The following CPED1 variants were observed in gnomAD, a reference collection of about 807,000 sequenced individuals.
The protein encoded by CPED1 is cadherin like and PC-esterase domain containing 1.
CPED1 carries 114 observed loss-of-function variants against 128.2 expected under a neutral mutation model. The observed-to-expected ratio is 0.89, with a 90% CI of 0.76 to 1.04. The LOEUF (loss-of-function observed/expected upper bound fraction) is 1.04. Among genes scored for constraint, CPED1 ranks in the 50% least tolerant of loss-of-function variants. CPED1 has a pLI of 0.00. For synonymous variants in CPED1, 462 were observed against 426.7 expected (o/e 1.08, Z -1.02); for missense variants, 1,211 against 1,207.1 (o/e 1.00, Z -0.05).
chr7:121,225,454 T>A (rs1022892680), intron 16 of CPED1, among the ~76,000 whole-genome samples: 1 of 152,098 alleles, frequency 6.6e-6, no homozygotes, highest in Non-Finnish European at 1.5e-5. Flanking sequence ...CAATTATGTG[T>A]CTTGGGGTTT....
chr7:121,075,084 C>A (rs1453867060), intron 5 of CPED1, among the ~76,000 whole-genome samples: 1 of 152,156 alleles, frequency 6.6e-6, no homozygotes, highest in Non-Finnish European at 1.5e-5. Context: ...TTCTTGGGAG[C>A]ATTTTCAGCA....
intron 2 of CPED1, among the ~76,000 whole-genome samples, chr7:121,013,532 T>C (rs1253110685): frequency 1.3e-5 from 2 of 152,196 alleles, no homozygotes; most frequent in East Asian, 3.8e-4. Context: ...TGATATATTA[T>C]TATTAACATA....
intron 16 of CPED1, among the ~76,000 whole-genome samples, chr7:121,217,636 C>A (rs1405566815): frequency 5.9e-5 from 9 of 151,978 alleles, no homozygotes; most frequent in African/African-American, 2.2e-4. Context: ...CTTTGGAAAG[C>A]TTGTGACAGA....
chr7:121,237,055 C>T (rs1434204852), intron 17 of CPED1, among the ~76,000 whole-genome samples: 1 of 152,116 alleles, frequency 6.6e-6, no homozygotes, highest in Non-Finnish European at 1.5e-5. Context: ...AATCCATATT[C>T]ATCTGCAGAT....
intron 16 of CPED1, among the ~76,000 whole-genome samples, chr7:121,162,486 G>C (rs1796432960): frequency 1.3e-5 from 2 of 152,176 alleles, no homozygotes; most frequent in South Asian, 4.1e-4. Context: ...TACCATAAAT[G>C]ATAAACTTAA....
chr7:121,145,672 T>C (rs1266849811), intron 16 of CPED1, among the ~76,000 whole-genome samples: 1 of 152,068 alleles, frequency 6.6e-6, no homozygotes, highest in Non-Finnish European at 1.5e-5. Context: ...CCCATAGACT[T>C]TTCTATTATT....
At chr7:121,196,358 T>A (rs2116547166) in intron 16 of CPED1, among the ~76,000 whole-genome samples, 1 of 152,168 alleles carries the variant, frequency 6.6e-6, no homozygotes, top group South Asian at 2.1e-4. Flanking sequence ...GCCTCCATTG[T>A]ACCTTCTGAC....
At chr7:121,261,025 CT>C (rs1792005079) in intron 18 of CPED1, among the ~76,000 whole-genome samples, 1 of 152,056 alleles carries the variant, frequency 6.6e-6, no homozygotes, top group Non-Finnish European at 1.5e-5. Flanking sequence ...TTGATTCAAC[CT>C]AGATAGCCAC....
At chr7:121,018,392 T>G (rs1210854932) in intron 3 of CPED1, among the ~76,000 whole-genome samples, 1 of 152,162 alleles carries the variant, frequency 6.6e-6, no homozygotes, top group African/African-American at 2.4e-5. Context: ...AATATGAAAC[T>G]ATAGTGGGAA....
intron 16 of CPED1, among the ~76,000 whole-genome samples, chr7:121,178,544 AGTT>A (rs1796834226): frequency 6.6e-6 from 1 of 152,054 alleles, no homozygotes; most frequent in Non-Finnish European, 1.5e-5. Flanking sequence ...TGGACAAAAA[AGTT>A]GTGCAGACAG....
intron 5 of CPED1, among the ~76,000 whole-genome samples, chr7:121,093,089 A>G (rs77325675): frequency 0.018 from 2,771 of 152,250 alleles, 82 homozygotes; most frequent in African/African-American, 0.063. Context: ...TTTTCAAAGC[A>G]CAAGACGAAC....
At chr7:121,261,812 G>A in intron 18 of CPED1, 1 of 1,324,732 alleles carries the variant, frequency 7.5e-7, no homozygotes, top group Non-Finnish European at 1.0e-6. Flanking sequence ...CAAGTTTTTT[G>A]GGCTATCTGT....
intron 18 of CPED1, 117 bp from the exon 19 acceptor site, chr7:121,266,110 G>T (rs1792116903): frequency 1.4e-6 from 1 of 719,626 alleles, no homozygotes. Flanking sequence ...AATTTGAAGG[G>T]CTGTCCTTCA....
chr7:121,269,267 G>C (rs1157450132), intron 21 of CPED1, among the ~76,000 whole-genome samples: 3 of 151,922 alleles, frequency 2.0e-5, no homozygotes, highest in Non-Finnish European at 4.4e-5. Flanking sequence ...TTGATTTTCT[G>C]TTCCTGCATT....
intron 16 of CPED1, among the ~76,000 whole-genome samples, chr7:121,176,037 C>T (rs2116482879): frequency 6.6e-6 from 1 of 151,730 alleles, no homozygotes; most frequent in South Asian, 2.1e-4. Context: ...ATGTATACCG[C>T]TTGGTGATTT....
intron 22 of CPED1, among the ~76,000 whole-genome samples, chr7:121,280,716 T>G (rs1412683470): frequency 6.6e-6 from 1 of 152,210 alleles, no homozygotes; most frequent in Non-Finnish European, 1.5e-5. Flanking sequence ...CCCTATTATC[T>G]GTCAAAATTG....
At chr7:121,147,246 A>G (rs769342986) in intron 16 of CPED1, among the ~76,000 whole-genome samples, 54 of 152,212 alleles carry the variant, frequency 3.5e-4, no homozygotes, top group Middle Eastern at 6.8e-3. Flanking sequence ...ATTTCTGTAG[A>G]CAGTGATACT....
chr7:121,058,306 A>C (rs548992525), intron 4 of CPED1, among the ~76,000 whole-genome samples: 1 of 152,270 alleles, frequency 6.6e-6, no homozygotes, highest in South Asian at 2.1e-4. Flanking sequence ...TTGTCGAAGT[A>C]AGCTATCCAT....
At chr7:121,259,090 GT>G (rs1458724187) in intron 18 of CPED1, among the ~76,000 whole-genome samples, 1 of 151,972 alleles carries the variant, frequency 6.6e-6, no homozygotes, top group Non-Finnish European at 1.5e-5. Flanking sequence ...TCCTTATGTT[GT>G]TATTGTGACC....
Sources: allele counts gnomAD v4.1 joint callset (sites outside exome capture counted in the v4.1 genomes callset), GRCh38; gene constraint gnomAD v4.1.1; transcripts MANE v1.5; gene names NCBI Gene and HGNC (gene_info 2026-07-23, HGNC 2026-07-21).